SLC25A26: variants seen among roughly 807,000 people sequenced by gnomAD.
SLC25A26 encodes mitochondrial S-adenosylmethionine carrier protein.
Under a neutral mutation model 37.8 loss-of-function variants are expected in SLC25A26, and 36 were observed. That is an observed-to-expected ratio of 0.95 (90% confidence interval 0.73 to 1.26). The LOEUF is 1.26. Among genes scored for constraint, SLC25A26 ranks in the 50% most tolerant of loss-of-function variants. The pLI, the probability that SLC25A26 is intolerant of heterozygous loss-of-function variation, is 0.00. For missense variants in SLC25A26, 390 were observed against 331.1 expected (o/e 1.18, Z -1.38); for synonymous variants, 129 against 122.5 (o/e 1.05, Z -0.35).
chr3:66,230,010 A>G (rs2071936564), intron 1 of SLC25A26, among the ~76,000 whole-genome samples: 1 of 152,208 alleles, frequency 6.6e-6, no homozygotes, highest in Admixed American at 6.5e-5. Flanking sequence ...GCTGACCCTG[A>G]CTTTTGATTG....
chr3:66,177,089 T>C (rs1409221867), intron 1 of SLC25A26, among the ~76,000 whole-genome samples: 3 of 152,270 alleles, frequency 2.0e-5, no homozygotes, highest in East Asian at 1.9e-4. Context: ...AAAATAACTA[T>C]CATCCTCTGT....
intron 1 of SLC25A26, among the ~76,000 whole-genome samples, chr3:66,171,502 T>C (rs923089539): frequency 2.0e-5 from 3 of 152,206 alleles, no homozygotes; most frequent in Non-Finnish European, 4.4e-5. Context: ...TTCTTTTCTT[T>C]TTTTTTGAGC....
intron 3 of SLC25A26, among the ~76,000 whole-genome samples, chr3:66,252,476 G>C (rs1007949819): frequency 6.6e-6 from 1 of 152,170 alleles, no homozygotes; most frequent in African/African-American, 2.4e-5. Flanking sequence ...GGTCAGATTT[G>C]TGACTTGTCC....
intron 3 of SLC25A26, among the ~76,000 whole-genome samples, chr3:66,253,309 G>A (rs993797662): frequency 4.0e-5 from 6 of 151,800 alleles, no homozygotes; most frequent in Admixed American, 3.9e-4. Flanking sequence ...TACTCGGGAG[G>A]CTGAGGCAGG....
At chr3:66,243,757 G>A (rs1200948822) in intron 3 of SLC25A26, among the ~76,000 whole-genome samples, 1 of 152,158 alleles carries the variant, frequency 6.6e-6, no homozygotes, top group African/African-American at 2.4e-5. Flanking sequence ...CTGCTCAGAA[G>A]GTTGGTATAT....
At chr3:66,363,565 A>C (rs923284382) in intron 7 of SLC25A26, among the ~76,000 whole-genome samples, 3 of 152,238 alleles carry the variant, frequency 2.0e-5, no homozygotes, top group Non-Finnish European at 4.4e-5. Context: ...AATGCTTTAA[A>C]GAGCTTAATA....
chr3:66,191,831 C>T (rs911300987), intron 1 of SLC25A26, among the ~76,000 whole-genome samples: 9 of 151,832 alleles, frequency 5.9e-5, no homozygotes, highest in East Asian at 5.9e-4. Flanking sequence ...GTGGAGGTTG[C>T]GGTGAGCGGA....
At chr3:66,274,363 C>T (rs1169529179) in intron 5 of SLC25A26, among the ~76,000 whole-genome samples, 2 of 151,744 alleles carry the variant, frequency 1.3e-5, no homozygotes, top group Admixed American at 1.3e-4. Flanking sequence ...GTCTAAAACA[C>T]CAAAAGCAAT....
At chr3:66,370,665 C>T in intron 9 of SLC25A26, 63 bp downstream of exon 9, 2 of 1,336,928 alleles carry the variant, frequency 1.5e-6, no homozygotes, top group Non-Finnish European at 2.1e-6. Flanking sequence ...TTTAGCCTAA[C>T]TTTGGATGAA....
chr3:66,263,258 A>C, intron 4 of SLC25A26, 74 bp from the exon 5 acceptor site: 1 of 1,019,796 alleles, frequency 9.8e-7, no homozygotes, highest in Non-Finnish European at 1.5e-6. Context: ...GAGCAGGTAG[A>C]TCTGCTGTAT....
At chr3:66,371,310 T>C in intron 9 of SLC25A26, 1 of 1,550,040 alleles carries the variant, frequency 6.5e-7, no homozygotes, top group Non-Finnish European at 8.7e-7. Flanking sequence ...CAGTGCCACC[T>C]CCTCATCCTG....
At chr3:66,237,454 G>T (rs1210463597) in intron 2 of SLC25A26, among the ~76,000 whole-genome samples, 1 of 152,232 alleles carries the variant, frequency 6.6e-6, no homozygotes, top group East Asian at 1.9e-4. Context: ...AGCCAAGTTT[G>T]ATAATAGCTG....
At chr3:66,307,162 A>G (rs994856355) in intron 5 of SLC25A26, among the ~76,000 whole-genome samples, 1 of 152,188 alleles carries the variant, frequency 6.6e-6, no homozygotes, top group African/African-American at 2.4e-5. Context: ...CCTCTCCAGC[A>G]TCTGTTGTTT....
At chr3:66,312,425 G>C (rs571833461) in intron 5 of SLC25A26, among the ~76,000 whole-genome samples, 10 of 152,202 alleles carry the variant, frequency 6.6e-5, no homozygotes, top group Non-Finnish European at 1.2e-4. Flanking sequence ...GGGCTCTGTG[G>C]GGGTGGAGCC....
At chr3:66,267,177 C>T (rs2073786767) in intron 5 of SLC25A26, among the ~76,000 whole-genome samples, 1 of 151,298 alleles carries the variant, frequency 6.6e-6, no homozygotes, top group African/African-American at 2.4e-5. Context: ...GGTGGGGTTA[C>T]AGACGAAGCA....
intron 5 of SLC25A26, among the ~76,000 whole-genome samples, chr3:66,264,682 T>A (rs1377135659): frequency 6.6e-6 from 1 of 152,204 alleles, no homozygotes; most frequent in Non-Finnish European, 1.5e-5. Context: ...ACCCCACCAC[T>A]GGTCCATGGA....
At chr3:66,265,633 A>C (rs1002260068) in intron 5 of SLC25A26, among the ~76,000 whole-genome samples, 9 of 152,252 alleles carry the variant, frequency 5.9e-5, no homozygotes, top group Non-Finnish European at 1.2e-4. Context: ...TTTTAACTAG[A>C]GATAACAATC....
In SLC25A26 at chr3:66,304,643, T is replaced by C. The variant is rs181094047; in HGVS notation, c.453+41264T>C. 21 of 313,704 alleles carry C rather than the reference T, an allele frequency of 6.7e-5. No homozygotes were observed. The East Asian group carries it at 1.8e-3, about 26-fold the overall frequency. The allele number at this position is 313,704 out of a possible 1,614,324, so 19.4% of individuals were successfully genotyped here. ...CCATCGAGGTGTCAGGCATTGAGGA[T>C]TCGTTGTTCACTAATACATTCTTTA... is the stretch of plus-strand genomic sequence containing the variant. On this transcript the variant is annotated intron_variant, in intron 5 of 9. Transcript: ENST00000354883.
intron 5 of SLC25A26, among the ~76,000 whole-genome samples, chr3:66,338,829 AGTT>A (rs1489065657): frequency 2.0e-5 from 3 of 152,126 alleles, no homozygotes; most frequent in East Asian, 1.9e-4. Context: ...ATCATACATT[AGTT>A]GTTCTTTTAT....
Sources: allele counts gnomAD v4.1 joint callset (sites outside exome capture counted in the v4.1 genomes callset), GRCh38; gene constraint gnomAD v4.1.1; transcripts MANE v1.5; gene names NCBI Gene and HGNC (gene_info 2026-07-23, HGNC 2026-07-21).